CLBA1: variants seen among roughly 807,000 people sequenced by gnomAD.
CLBA1 encodes the protein uncharacterized protein CLBA1.
In CLBA1, 30 loss-of-function variants were observed where a neutral mutation model predicts 28.8. The observed-to-expected ratio is 1.04, with a 90% confidence interval of 0.78 to 1.41. The LOEUF (loss-of-function observed/expected upper bound fraction) is 1.41. Ranked by LOEUF, CLBA1 falls within the 40% of genes most tolerant of loss-of-function variation. The pLI is 0.00. For missense variants in CLBA1, 451 were observed against 412.3 expected, an observed-to-expected ratio of 1.09 and a Z score of -0.81; for synonymous variants, 160 against 152.8, an observed-to-expected ratio of 1.05 and a Z score of -0.35.
Position 104,988,670 on chromosome 14 carries a change from C to G in CLBA1, c.424-273C>G, listed in dbSNP as rs867488776. Among the ~76,000 whole-genome samples the G allele has an allele frequency of 5.9e-5, 9 of 152,300 alleles. 1 individual carries two copies. The Middle Eastern group carries it at 0.017, about 288-fold the overall frequency. On this transcript the variant is annotated intron_variant, in intron 1 of 4. Transcript: ENST00000547315. ...ATAATTTCTTAACCAAACTGGAAAA[C>G]AGCACTGACATTATTGGGTGGTCAT...
chr14:104,988,335 C>CTTTTT (rs33995599), intron 1 of CLBA1, among the ~76,000 whole-genome samples: 3,032 of 138,934 alleles, frequency 0.022, 65 homozygotes, highest in Middle Eastern at 0.077. Context: ...TGTATAATTT[C>CTTTTT]TTTTTTTTTT....
chr14:105,001,126 G>C (rs1051444186), intron 2 of CLBA1, among the ~76,000 whole-genome samples: 1 of 150,412 alleles, frequency 6.6e-6, no homozygotes, highest in African/African-American at 2.5e-5. Flanking sequence ...AGATGAACCT[G>C]AAGCATTTAT....
downstream of CLBA1, among the ~76,000 whole-genome samples, chr14:105,000,331 G>C (rs1203454840): frequency 6.6e-6 from 1 of 151,406 alleles, no homozygotes; most frequent in Non-Finnish European, 1.5e-5. Flanking sequence ...GGGTGCAATG[G>C]TGCAATGTTA....
Position 104,991,576 on chromosome 14 carries a change from C to A in CLBA1, c.655C>A (p.Gln219Lys). The A allele has an allele frequency of 1.2e-6, 2 of 1,613,696 alleles. No homozygotes were observed. The highest frequency in any genetic ancestry group is 1.7e-6 in the Non-Finnish European group (2 of 1,179,836). Residue 219 changes from glutamine to lysine, a missense_variant, in exon 3 of 5, where the codon CAG becomes AAG. Gln to Lys is a moderately conservative substitution (Grantham distance 53). Transcript: ENST00000547315. ...SQRLWSESRC[Q>K]ENFFLVLGID... The stretch of plus-strand genomic sequence containing the variant: ...GCGCCTCTGGAGCGAGTCCCGTTGC[C>A]AGGAGAACTTCTTTCTTGTTCTCGG...
chr14:104,989,124 C>CT (rs1566932430), intron 2 of CLBA1, 36 bp downstream of exon 2: 5 of 1,588,062 alleles, frequency 3.1e-6, no homozygotes, highest in Non-Finnish European at 4.3e-6. Context: ...ACAGCAACTG[C>CT]TTTTGTACTT....
At position 104,991,437 on chromosome 14, in the gene CLBA1, A is replaced by G. The variant is rs564904447; in HGVS notation, c.570-54A>G. ...TGCGTGCCTCGGGCCGTGCCTCATG[A>G]TCTCCTCAGAAGGCTCTCAAGGTCA... On this transcript the variant is annotated intron_variant, in intron 2 of 4. Transcript: ENST00000547315. 180 of 1,607,822 alleles carry G rather than the reference A, an allele frequency of 1.1e-4. No homozygotes were observed. The South Asian group carries it at 1.9e-3, about 17-fold the overall frequency.
chr14:104,996,247 C>T (rs565985368), downstream of CLBA1, among the ~76,000 whole-genome samples: 1 of 152,320 alleles, frequency 6.6e-6, no homozygotes, highest in Non-Finnish European at 1.5e-5. Flanking sequence ...AGAAGAGAGG[C>T]CCTGCTGCTC....
In CLBA1 at chr14:104,995,407, C is replaced by T. The variant is rs561112504; in HGVS notation, c.*648C>T. The T allele has an allele frequency of 3.5e-4, 340 of 985,388 alleles. 5 individuals are homozygous for T. The South Asian group carries it at 0.013, about 37-fold the overall frequency. 61.0% of individuals were successfully genotyped at this position (985,388 alleles called of 1,614,324 possible). ...GGCCTGCGAGAGCCTCTGGTGGGCC[C>T]GTGGCTTCCCCCAGTTATCTGCTAA... On this transcript the variant is annotated 3_prime_UTR_variant, in exon 5 of 5. Coordinates refer to ENST00000547315, the MANE Select transcript of CLBA1 (RefSeq NM_174891.4).
At chr14:104,993,186 TC>T in intron 4 of CLBA1, 122 bp downstream of exon 4, 4 of 1,514,706 alleles carry the variant, frequency 2.6e-6, no homozygotes, top group Non-Finnish European at 3.5e-6. Context: ...CTTGTGGACT[TC>T]CAGAAAACAA....
At chr14:104,989,132 CT>C in intron 2 of CLBA1, 44 bp downstream of exon 2, 3 of 1,586,296 alleles carry the variant, frequency 1.9e-6, no homozygotes, top group Non-Finnish European at 2.6e-6. Flanking sequence ...TGCTTTTGTA[CT>C]TTTGTTTGAT....
At chr14:104,988,335 C>CTCT (rs1555404920) in intron 1 of CLBA1, among the ~76,000 whole-genome samples, 1 of 138,992 alleles carries the variant, frequency 7.2e-6, no homozygotes, top group Non-Finnish European at 1.5e-5. Flanking sequence ...TGTATAATTT[C>CTCT]TTTTTTTTTT....
chr14:104,998,400 T>C (rs1900204045), downstream of CLBA1, among the ~76,000 whole-genome samples: 2 of 146,030 alleles, frequency 1.4e-5, no homozygotes, highest in Non-Finnish European at 3.0e-5. Flanking sequence ...GGCAACAGAG[T>C]AAGACCCTAT....
At chr14:104,986,956 GA>G (rs1472236781) in intron 1 of CLBA1, 102 bp downstream of exon 1, 1 of 1,359,010 alleles carries the variant, frequency 7.4e-7, no homozygotes, top group African/African-American at 1.5e-5. Context: ...GGAGGGGGCT[GA>G]CAGCCCCAGA....
chr14:104,992,046 G>A lies in CLBA1; in HGVS notation c.699+426G>A, dbSNP rs879904734. ...GCCATGCACACGCCGCCACGCACACGCCACCACGCACACGCCGCCACGCAC... is the reference window on the plus strand; with the variant it reads ...GCCATGCACACGCCGCCACGCACACACCACCACGCACACGCCGCCACGCAC... On this transcript the variant is annotated intron_variant, in intron 3 of 4. Transcript: ENST00000547315. 2.9e-4 allele frequency among the ~76,000 whole-genome samples: 36 copies of A among 125,220 alleles called. 1 individual carries two copies. The highest frequency in any genetic ancestry group is 2.2e-3 in the Admixed American group (26 of 11,822). The allele number at this position is 125,220 out of a possible 152,430, so 82.1% of individuals were successfully genotyped here.
At chr14:104,988,840 C>T in intron 1 of CLBA1, 103 bp from the exon 2 acceptor site, 1 of 1,202,776 alleles carries the variant, frequency 8.3e-7, no homozygotes, top group Non-Finnish European at 1.2e-6. Flanking sequence ...ATGGTATGAT[C>T]AATTACAAAT....
intron 1 of CLBA1, among the ~76,000 whole-genome samples, chr14:104,988,175 A>G (rs1039499239): frequency 2.0e-5 from 3 of 152,074 alleles, no homozygotes; most frequent in Non-Finnish European, 4.4e-5. Context: ...ACACCCTCAC[A>G]CAGCGCTTAG....
chr14:104,986,160 A>C lies in CLBA1; in HGVS notation c.-272A>C. On this transcript the variant is annotated 5_prime_UTR_variant, in exon 1 of 5. Transcript: ENST00000547315. ...CTCTCACACCTGCCGTGGGTCTGGTACGCGCCTCTGTGTCGGACTCCGCGC... is the reference window on the plus strand; with the variant it reads ...CTCTCACACCTGCCGTGGGTCTGGTCCGCGCCTCTGTGTCGGACTCCGCGC... 1.9e-6 allele frequency: 1 copy of C among 516,894 alleles called. No individual in the cohort carries two copies. Among genetic ancestry groups the C allele is most frequent in the Non-Finnish European group, 3.5e-6 (1 of 284,134 alleles). 32.0% of individuals were successfully genotyped at this position (516,894 alleles called of 1,614,324 possible). A position where few individuals can be genotyped will look rare whatever the true frequency, so the allele number is the denominator to read the frequency against.
At chr14:104,994,460 TGAG>T (rs1255826083) in intron 4 of CLBA1, 135 bp from the exon 5 acceptor site, 22 of 1,417,544 alleles carry the variant, frequency 1.6e-5, no homozygotes, top group Non-Finnish European at 4.6e-6. Flanking sequence ...CATCCCATGA[TGAG>T]AAGGTTTCTA....
chr14:104,993,337 A>G, intron 4 of CLBA1: 1 of 985,376 alleles, frequency 1.0e-6, no homozygotes, highest in Non-Finnish European at 1.2e-6. Flanking sequence ...CCAGGGAGAG[A>G]AGAGAGCTGC....
Sources: allele counts gnomAD v4.1 joint callset (sites outside exome capture counted in the v4.1 genomes callset), GRCh38; gene constraint gnomAD v4.1.1; transcripts MANE v1.5; gene names NCBI Gene and HGNC (gene_info 2026-07-23, HGNC 2026-07-21).